MRPS7: variants seen among roughly 807,000 people sequenced by gnomAD.
MRPS7 encodes the protein small ribosomal subunit protein uS7m.
In MRPS7, 13 loss-of-function variants were observed where a neutral mutation model predicts 26.2. That is an observed-to-expected ratio of 0.50 (90% CI 0.32 to 0.79). The LOEUF is 0.79. MRPS7 is among the 30% of genes least tolerant of loss of function. MRPS7 has a pLI of 0.03. For missense variants in MRPS7, 318 were observed against 312.2 expected (o/e 1.02, Z -0.14); for synonymous variants, 129 against 113.3 (o/e 1.14, Z -0.88).
Position 75,263,514 on chromosome 17 carries a change from G to C in MRPS7, c.507+7G>C, listed in dbSNP as rs746854471. The C allele has an allele frequency of 1.5e-5, 24 of 1,613,918 alleles. No individual in the cohort carries two copies. The East Asian group carries it at 5.1e-4, about 34-fold the overall frequency. ...GGGAGGCCGTTTCTACCAGGTGAAT[G>C]AATGGCCAGGGCAAGAAAGCAGGGC... On this transcript the variant is annotated splice_region_variant and intron_variant, in intron 4 of 4. Transcript: ENST00000245539.
At chr17:75,262,298 G>A (rs1215319927) in intron 1 of MRPS7, 199 bp from the exon 2 acceptor site, 1 of 688,362 alleles carries the variant, frequency 1.5e-6, no homozygotes. Context: ...CACTTGACCA[G>A]GAGGAGACTT....
chr17:75,265,334 G>C (rs113459043), intron 4 of MRPS7, among the ~76,000 whole-genome samples: 18,984 of 151,876 alleles, frequency 0.12, 1,447 homozygotes, highest in Middle Eastern at 0.25. Flanking sequence ...CATCGTGCCT[G>C]GCCTTCTTTT....
chr17:75,264,285 T>A (rs9897210), intron 4 of MRPS7: 7,732 of 152,042 alleles, frequency 0.051, 659 homozygotes, highest in African/African-American at 0.17. Flanking sequence ...CTAAGTGACA[T>A]CTGGGAGCCC....
At position 75,265,851 on chromosome 17, in the gene MRPS7, G is replaced by A. The variant is rs1567818262; in HGVS notation, c.657G>A (p.Val219=). 1 of 1,614,152 alleles carries A rather than the reference G, an allele frequency of 6.2e-7. No individual in the cohort carries two copies. Among genetic ancestry groups the A allele is most frequent in the Admixed American group, 1.7e-5 (1 of 60,024 alleles). The change falls in exon 5 of 5, where the codon GTG becomes GTA. Residue 219 remains valine, a synonymous_variant. Transcript: ENST00000245539. The part of the protein sequence containing the change: ...LLEAFHNQGP[V]IKRKHDLHKM... ...AGGCTTTCCATAACCAGGGCCCCGT[G>A]ATCAAGAGGAAGCATGACTTGCACA...
chr17:75,262,788 G>T lies in MRPS7; in HGVS notation c.276-16G>T, dbSNP rs754733455. The T allele has an allele frequency of 1.2e-6, 2 of 1,614,084 alleles. No homozygotes were observed. The highest frequency in any genetic ancestry group is 8.5e-7 in the Non-Finnish European group (1 of 1,179,974). On this transcript the variant is annotated splice_polypyrimidine_tract_variant and intron_variant, in intron 2 of 4. Coordinates refer to ENST00000245539, the MANE Select transcript of MRPS7 (RefSeq NM_015971.4). ...ACAGCCTTGGAGAGCTAAACGTGTT[G>T]CTTTTCTCTTTGAAGTAAATTCACC...
At chr17:75,263,591 A>AT in intron 4 of MRPS7, 84 bp downstream of exon 4, 3 of 1,544,696 alleles carry the variant, frequency 1.9e-6, no homozygotes, top group Non-Finnish European at 2.7e-6. Flanking sequence ...GTCAAGATTG[A>AT]TAGCTTTCTA....
rs2077482036 is a variant in MRPS7 at position 75,266,262 on chromosome 17, C to T, written c.*339C>T. ...CAGAAAAGATTTATTAGAAAATTCT[C>T]ACGCTGAACTGGTGTAGCATGTGGT... On this transcript the variant is annotated 3_prime_UTR_variant, in exon 5 of 5. Coordinates refer to ENST00000245539, the MANE Select transcript of MRPS7 (RefSeq NM_015971.4). 8 of 385,458 alleles carry T rather than the reference C, an allele frequency of 2.1e-5. No homozygotes were observed. Among genetic ancestry groups the T allele is most frequent in the East Asian group, 5.9e-5 (1 of 17,052 alleles). The allele number at this position is 385,458 out of a possible 1,614,324, so 23.9% of individuals were successfully genotyped here. A position where few individuals can be genotyped will look rare whatever the true frequency, so the allele number is the denominator to read the frequency against.
intron 4 of MRPS7, among the ~76,000 whole-genome samples, 185 bp from the exon 5 acceptor site, chr17:75,265,517 T>C (rs1172052221): frequency 6.6e-6 from 1 of 152,176 alleles, no homozygotes; most frequent in Admixed American, 6.5e-5. Context: ...ACGCCTCTTA[T>C]GTCTGCTACA....
At chr17:75,262,403 C>T (rs1413497141) in intron 1 of MRPS7, 94 bp from the exon 2 acceptor site, 2 of 1,390,758 alleles carry the variant, frequency 1.4e-6, no homozygotes, top group African/African-American at 1.4e-5. Context: ...CGCTCCCCCT[C>T]GTCGGCGCGT....
At chr17:75,262,013 G>A in intron 1 of MRPS7, 30 bp downstream of exon 1, 3 of 1,599,990 alleles carry the variant, frequency 1.9e-6, no homozygotes, top group Non-Finnish European at 2.5e-6. Flanking sequence ...CGGCGGGGGG[G>A]CGCTGCGAGG....
chr17:75,262,083 C>T (rs1292538838), intron 1 of MRPS7, 100 bp downstream of exon 1: 2 of 1,381,400 alleles, frequency 1.4e-6, no homozygotes, highest in Non-Finnish European at 2.0e-6. Flanking sequence ...CCCTGGGGGC[C>T]GGAGTATCTG....
Position 75,261,996 on chromosome 17 carries a change from C to T in MRPS7, c.83+13C>T. 1 of 1,500,712 alleles carries T rather than the reference C, an allele frequency of 6.7e-7. No homozygotes were observed. The allele number at this position is 1,500,712 out of a possible 1,614,324, so 93.0% of individuals were successfully genotyped here. ...TGCAGCTTCCAGGGTGAGAGGGTGGCGAGCAGCGGCGGGGGGGCGCTGCGA... is the reference window on the plus strand; with the variant it reads ...TGCAGCTTCCAGGGTGAGAGGGTGGTGAGCAGCGGCGGGGGGGCGCTGCGA... On this transcript the variant is annotated intron_variant, in intron 1 of 4. Coordinates refer to ENST00000245539, the MANE Select transcript of MRPS7 (RefSeq NM_015971.4).
rs768429856 is a variant in MRPS7 at position 75,265,948 on chromosome 17, C to T, written c.*25C>T. On this transcript the variant is annotated 3_prime_UTR_variant, in exon 5 of 5. Transcript: ENST00000245539. ...GAGTCTCCAGGAGGAGCCCAGGGCC[C>T]TCTGCCGCAAGAAACAGTGTGAGCT... The T allele has an allele frequency of 2.1e-5, 33 of 1,606,280 alleles. No individual in the cohort carries two copies. Among genetic ancestry groups the T allele is most frequent in the Non-Finnish European group, 2.8e-5 (33 of 1,174,954 alleles).
rs758932368 is a variant in MRPS7, at chr17:75,262,763, A to G, written c.276-41A>G. On this transcript the variant is annotated intron_variant, in intron 2 of 4. Transcript: ENST00000245539. ...GGGTTTCTGGTGAGGATTCTGTGAT[A>G]CAGCCTTGGAGAGCTAAACGTGTTG... 2.5e-6 allele frequency: 4 copies of G among 1,613,722 alleles called. No homozygotes were observed. The African/African-American group carries it at 5.3e-5, about 22-fold the overall frequency.
intron 1 of MRPS7, 103 bp from the exon 2 acceptor site, chr17:75,262,394 G>T (rs2077419618): frequency 2.3e-6 from 3 of 1,325,732 alleles, no homozygotes; most frequent in Non-Finnish European, 3.1e-6. Flanking sequence ...TCTCCGCGCC[G>T]CTCCCCCTCG....
intron 1 of MRPS7, 37 bp downstream of exon 1, chr17:75,262,020 G>A: frequency 1.3e-6 from 2 of 1,599,306 alleles, no homozygotes; most frequent in Non-Finnish European, 1.7e-6. Context: ...GGGGCGCTGC[G>A]AGGAAGGAAG....
At chr17:75,262,401 C>G in intron 1 of MRPS7, 96 bp from the exon 2 acceptor site, 1 of 1,389,742 alleles carries the variant, frequency 7.2e-7, no homozygotes, top group African/African-American at 1.4e-5. Flanking sequence ...GCCGCTCCCC[C>G]TCGTCGGCGC....
At chr17:75,263,257 G>A (rs1395364702) in intron 3 of MRPS7, 83 bp from the exon 4 acceptor site, 1 of 1,536,492 alleles carries the variant, frequency 6.5e-7, no homozygotes. Context: ...CCAGAGGATG[G>A]GAGTAAAGGG....
At chr17:75,263,610 AGTGGG>A in intron 4 of MRPS7, 103 bp downstream of exon 4, 2 of 1,447,280 alleles carry the variant, frequency 1.4e-6, no homozygotes, top group Non-Finnish European at 1.9e-6. Flanking sequence ...TAGCTGGTGC[AGTGGG>A]ATTGCACCTG....
Sources: allele counts gnomAD v4.1 joint callset (sites outside exome capture counted in the v4.1 genomes callset), GRCh38; gene constraint gnomAD v4.1.1; transcripts MANE v1.5; gene names NCBI Gene and HGNC (gene_info 2026-07-23, HGNC 2026-07-21).